SCUBE1: variants seen among roughly 807,000 people sequenced by gnomAD.
The protein encoded by SCUBE1 is signal peptide, CUB and EGF-like domain-containing protein 1.
Under a neutral mutation model 124.4 loss-of-function variants are expected in SCUBE1, and 59 were observed. That is an observed-to-expected ratio of 0.47 (90% CI 0.38 to 0.59). The LOEUF is 0.59. SCUBE1 is among the 20% of genes least tolerant of loss of function. SCUBE1 has a pLI of 0.00. For synonymous variants in SCUBE1, 545 were observed against 550.9 expected, an observed-to-expected ratio of 0.99 and a Z score of 0.15; for missense variants, 1,150 against 1,371.2, an observed-to-expected ratio of 0.84 and a Z score of 2.55.
intron 10 of SCUBE1, among the ~76,000 whole-genome samples, chr22:43,226,447 G>C (rs1036609865): frequency 3.3e-5 from 5 of 152,094 alleles, no homozygotes; most frequent in Non-Finnish European, 5.9e-5. Context: ...TCCAGGCCAA[G>C]AGAAGCGCAC....
chr22:43,308,911 T>C (rs866260044), intron 3 of SCUBE1, among the ~76,000 whole-genome samples: 7 of 152,236 alleles, frequency 4.6e-5, no homozygotes, highest in South Asian at 2.1e-4. Context: ...TGTCCCAAGT[T>C]ACAAAATAAG....
At chr22:43,310,818 G>C (rs1391128431) in intron 3 of SCUBE1, among the ~76,000 whole-genome samples, 1 of 152,060 alleles carries the variant, frequency 6.6e-6, no homozygotes, top group Non-Finnish European at 1.5e-5. Context: ...TTGCTCCATT[G>C]CCCAGGCTGG....
At chr22:43,277,667 A>G (rs1466024210) in intron 4 of SCUBE1, among the ~76,000 whole-genome samples, 2 of 152,250 alleles carry the variant, frequency 1.3e-5, no homozygotes, top group Non-Finnish European at 2.9e-5. Context: ...TGGGGTAGCT[A>G]CATGACACAG....
chr22:43,232,299 C>G (rs1005133497), intron 7 of SCUBE1: 3 of 176,610 alleles, frequency 1.7e-5, no homozygotes, highest in African/African-American at 7.0e-5. Flanking sequence ...CGGCAAGCTC[C>G]CGGACCCCTG....
chr22:43,302,002 C>T (rs373232319), intron 3 of SCUBE1, among the ~76,000 whole-genome samples: 28 of 152,218 alleles, frequency 1.8e-4, no homozygotes, highest in East Asian at 1.7e-3. Flanking sequence ...CTCAAGGAAG[C>T]AGCTCTGGAT....
Position 43,258,079 on chromosome 22 carries a change from A to G in SCUBE1, c.727+140T>C. ...GGCGCCGGCCATCCCCGCCATTGCC[A>G]TGGGCTTGCCTTTCCTTGTTTCCCT... On this transcript the variant is annotated intron_variant, in intron 6 of 21. Transcript: ENST00000360835. The surrounding 1 kb of genome is among the most constrained non-coding windows in gnomAD (Gnocchi z 5.0). The G allele has an allele frequency of 2.9e-6, 2 of 688,376 alleles. No homozygotes were observed. Among genetic ancestry groups the G allele is most frequent in the African/African-American group, 1.8e-5 (1 of 56,748 alleles). 42.6% of individuals were successfully genotyped at this position (688,376 alleles called of 1,614,324 possible).
intron 4 of SCUBE1, among the ~76,000 whole-genome samples, chr22:43,274,024 C>G (rs183294540): frequency 6.6e-6 from 1 of 151,802 alleles, no homozygotes; most frequent in Non-Finnish European, 1.5e-5. Context: ...TGCCCTGCCT[C>G]GTTTCTTCCC....
rs3047392 is a variant in SCUBE1, at chr22:43,340,481, T to TACACACAC, written c.89-1254_89-1247dup. Reference sequence around the variant, plus strand: ...CCCAAGCCTCTCTCCTTGTCTCTTTTACACACACACACACACACACACACA... The same window carrying TACACACAC: ...CCCAAGCCTCTCTCCTTGTCTCTTTTACACACACACACACACACACACACACACACACA... On this transcript the variant is annotated intron_variant, in intron 1 of 21. Coordinates refer to ENST00000360835, the MANE Select transcript of SCUBE1 (RefSeq NM_173050.5). Among the ~76,000 whole-genome samples, 69 of 136,108 alleles carry TACACACAC rather than the reference T, an allele frequency of 5.1e-4. 1 individual carries two copies. The highest frequency in any genetic ancestry group is 1.1e-3 in the East Asian group (5 of 4,468). The allele number at this position is 136,108 out of a possible 152,430, so 89.3% of individuals were successfully genotyped here.
At chr22:43,310,822 A>G (rs1016136325) in intron 3 of SCUBE1, among the ~76,000 whole-genome samples, 1 of 152,218 alleles carries the variant, frequency 6.6e-6, no homozygotes, top group Non-Finnish European at 1.5e-5. Context: ...TCCATTGCCC[A>G]GGCTGGAGTG....
chr22:43,338,050 C>G (rs367647898), intron 2 of SCUBE1, among the ~76,000 whole-genome samples: 5 of 152,228 alleles, frequency 3.3e-5, no homozygotes, highest in African/African-American at 1.2e-4. Context: ...ACAGGGAAGA[C>G]TGGGATCAGT....
intron 6 of SCUBE1, among the ~76,000 whole-genome samples, chr22:43,241,484 G>A (rs1923004150): frequency 6.6e-6 from 1 of 152,034 alleles, no homozygotes; most frequent in African/African-American, 2.4e-5. Flanking sequence ...AACCCCCTTG[G>A]CTCCTTGCGG....
intron 1 of SCUBE1, among the ~76,000 whole-genome samples, chr22:43,342,660 C>T (rs1488593718): frequency 6.6e-6 from 1 of 151,980 alleles, no homozygotes; most frequent in African/African-American, 2.4e-5. Context: ...TCTACCCTTC[C>T]GCATCTGTCT....
chr22:43,272,539 G>A (rs1322021461), intron 4 of SCUBE1: 1 of 152,232 alleles, frequency 6.6e-6, no homozygotes, highest in Non-Finnish European at 1.5e-5. Context: ...TATTTAGGGA[G>A]TGCCTCCTTG....
At chr22:43,267,971 G>A (rs1296086023) in intron 4 of SCUBE1, among the ~76,000 whole-genome samples, 1 of 152,214 alleles carries the variant, frequency 6.6e-6, no homozygotes, top group African/African-American at 2.4e-5. Flanking sequence ...TCTAGGGATG[G>A]GCCTGGGCTC....
intron 2 of SCUBE1, among the ~76,000 whole-genome samples, chr22:43,320,640 C>T (rs1342059519): frequency 1.5e-4 from 23 of 152,320 alleles, no homozygotes; most frequent in East Asian, 1.9e-4. Context: ...GATAGGAACA[C>T]GCCTAGTTAA....
chr22:43,329,777 A>G (rs1039013923), intron 2 of SCUBE1, among the ~76,000 whole-genome samples: 1 of 152,210 alleles, frequency 6.6e-6, no homozygotes, highest in African/African-American at 2.4e-5. Flanking sequence ...CAAGGCCCCG[A>G]GTCCTCTTTG....
At chr22:43,341,692 C>T (rs556054204) in intron 1 of SCUBE1, among the ~76,000 whole-genome samples, 22 of 152,298 alleles carry the variant, frequency 1.4e-4, no homozygotes, top group African/African-American at 4.8e-4. Context: ...TTGTCCCCAT[C>T]GGTTCTCTGC....
chr22:43,203,852 C>T lies in SCUBE1; in HGVS notation c.*145G>A, dbSNP rs1921105802. 8.6e-6 allele frequency: 7 copies of T among 812,916 alleles called. No individual in the cohort carries two copies. Among genetic ancestry groups the T allele is most frequent in the South Asian group, 3.6e-5 (2 of 55,640 alleles). 50.4% of individuals were successfully genotyped at this position (812,916 alleles called of 1,614,324 possible). ...AGCGGGTCCGAAGGGTGCCTGGGCTCGGTCTCCATGGGCTGGTCGGCTTCC... is the reference window on the plus strand; with the variant it reads ...AGCGGGTCCGAAGGGTGCCTGGGCTTGGTCTCCATGGGCTGGTCGGCTTCC... On this transcript the variant is annotated 3_prime_UTR_variant, in exon 22 of 22. Coordinates refer to ENST00000360835, the MANE Select transcript of SCUBE1 (RefSeq NM_173050.5).
At chr22:43,214,339 T>C (rs1009651944) in intron 15 of SCUBE1, 88 bp from the exon 16 acceptor site, 1 of 1,359,474 alleles carries the variant, frequency 7.4e-7, no homozygotes, top group African/African-American at 1.4e-5. Context: ...GCTCTCCTGA[T>C]AGACACAGTC....
Sources: allele counts gnomAD v4.1 joint callset (sites outside exome capture counted in the v4.1 genomes callset), GRCh38; gene constraint gnomAD v4.1.1; non-coding constraint Gnocchi (gnomAD v3.1); transcripts MANE v1.5; gene names NCBI Gene and HGNC (gene_info 2026-07-23, HGNC 2026-07-21).